The following RAP1A variants were observed in gnomAD, a reference collection of about 807,000 sequenced individuals.
RAP1A encodes the protein ras-related protein Rap-1A.
Under a neutral mutation model 26.4 loss-of-function variants are expected in RAP1A, and 6 were observed. That is an observed-to-expected ratio of 0.23 (90% CI 0.12 to 0.45). The LOEUF (loss-of-function observed/expected upper bound fraction) is 0.45. Ranked by LOEUF, RAP1A falls within the 20% of genes least tolerant of loss-of-function variation. RAP1A has a pLI of 0.99. For synonymous variants in RAP1A, 73 were observed against 79.4 expected, an observed-to-expected ratio of 0.92 and a Z score of 0.43; for missense variants, 121 against 217.2, an observed-to-expected ratio of 0.56 and a Z score of 2.78.
intron 6 of RAP1A, chr1:111,706,622 T>C (rs1157181578): frequency 1.3e-6 from 1 of 757,518 alleles, no homozygotes; most frequent in Non-Finnish European, 1.6e-6. Context: ...AATTTAGGAA[T>C]GGGAGAGGGA....
At chr1:111,543,784 G>A (rs1217857412) in intron 1 of RAP1A, among the ~76,000 whole-genome samples, 3 of 152,076 alleles carry the variant, frequency 2.0e-5, no homozygotes, top group Admixed American at 2.0e-4. Context: ...AACAAAAATA[G>A]CATTACCCCT....
chr1:111,654,544 C>T (rs1242787383), intron 1 of RAP1A, among the ~76,000 whole-genome samples: 4 of 151,956 alleles, frequency 2.6e-5, no homozygotes, highest in Non-Finnish European at 5.9e-5. Context: ...TTCTGTAGGT[C>T]GTATGTTTTC....
intron 1 of RAP1A, among the ~76,000 whole-genome samples, chr1:111,641,299 C>T (rs1393361042): frequency 1.3e-5 from 2 of 152,188 alleles, no homozygotes; most frequent in African/African-American, 4.8e-5. Context: ...CATCTTTCTG[C>T]TTGCTCCTCC....
At chr1:111,689,290 A>G (rs1458809870) in intron 1 of RAP1A, among the ~76,000 whole-genome samples, 1 of 146,476 alleles carries the variant, frequency 6.8e-6, no homozygotes, top group Admixed American at 6.8e-5. Context: ...TTCTTATTAC[A>G]CCCCTAACCC....
intron 1 of RAP1A, among the ~76,000 whole-genome samples, chr1:111,607,602 C>T (rs1344038075): frequency 1.3e-5 from 2 of 149,912 alleles, no homozygotes; most frequent in Admixed American, 6.6e-5. Context: ...GGCAGAGGCG[C>T]CCCTCACCTC....
chr1:111,566,597 T>C (rs1657923703), intron 1 of RAP1A, among the ~76,000 whole-genome samples: 1 of 152,226 alleles, frequency 6.6e-6, no homozygotes, highest in Non-Finnish European at 1.5e-5. Context: ...TGTTTGTCTT[T>C]GATTAGTATA....
chr1:111,654,390 A>G (rs1660385653), intron 1 of RAP1A, among the ~76,000 whole-genome samples: 1 of 152,186 alleles, frequency 6.6e-6, no homozygotes, highest in African/African-American at 2.4e-5. Context: ...GTTAGGTGGT[A>G]TCATTCCCAT....
intron 1 of RAP1A, among the ~76,000 whole-genome samples, chr1:111,620,608 C>T (rs114412490): frequency 2.0e-5 from 3 of 152,208 alleles, no homozygotes; most frequent in African/African-American, 7.2e-5. Context: ...GGGCTGACAT[C>T]TACATCCCAC....
chr1:111,647,021 A>G (rs1388249164), intron 1 of RAP1A, among the ~76,000 whole-genome samples: 1 of 152,152 alleles, frequency 6.6e-6, no homozygotes, highest in African/African-American at 2.4e-5. Flanking sequence ...TTACTGTCTC[A>G]TACCCTTAGA....
intron 1 of RAP1A, among the ~76,000 whole-genome samples, chr1:111,546,472 C>CT (rs1657037758): frequency 6.6e-6 from 1 of 152,108 alleles, no homozygotes; most frequent in Admixed American, 6.5e-5. Context: ...CTTTCTGTCT[C>CT]TGTGAATTGG....
intron 1 of RAP1A, among the ~76,000 whole-genome samples, chr1:111,592,850 C>G (rs1026608533): frequency 6.6e-6 from 1 of 152,156 alleles, no homozygotes; most frequent in African/African-American, 2.4e-5. Context: ...TTCCTCTCTT[C>G]TCTGTTTTGG....
At chr1:111,672,585 T>C (rs915596767) in intron 1 of RAP1A, among the ~76,000 whole-genome samples, 4 of 152,122 alleles carry the variant, frequency 2.6e-5, no homozygotes, top group Non-Finnish European at 5.9e-5. Context: ...CTCTCCAAAG[T>C]GGTGACTGCA....
intron 1 of RAP1A, among the ~76,000 whole-genome samples, chr1:111,626,248 T>G (rs1659393568): frequency 6.6e-6 from 1 of 152,204 alleles, no homozygotes; most frequent in Admixed American, 6.5e-5. Flanking sequence ...TTATGAGTAT[T>G]AGACCAAATC....
chr1:111,580,802 G>A (rs1404351266), intron 1 of RAP1A, among the ~76,000 whole-genome samples: 4 of 151,844 alleles, frequency 2.6e-5, no homozygotes, highest in African/African-American at 7.3e-5. Flanking sequence ...AGCCGAGATC[G>A]TGCCACTGCA....
chr1:111,618,857 A>G (rs189738631), upstream of RAP1A, among the ~76,000 whole-genome samples: 2 of 152,218 alleles, frequency 1.3e-5, no homozygotes, highest in Non-Finnish European at 1.5e-5. Flanking sequence ...CCTTCTTCTC[A>G]TCCTGTCCGT....
At chr1:111,542,266 T>C (rs1656861642) in exon 1 of RAP1A, 2 of 607,862 alleles carry the variant, frequency 3.3e-6, no homozygotes, top group Admixed American at 1.9e-5. Flanking sequence ...TGAGGCCGTA[T>C]TTCAGGATCA....
chr1:111,638,502 C>CAG (rs1322081716), intron 1 of RAP1A, among the ~76,000 whole-genome samples: 1 of 152,090 alleles, frequency 6.6e-6, no homozygotes, highest in Non-Finnish European at 1.5e-5. Context: ...GGTGCTGTGG[C>CAG]AGGGTCACGG....
intron 1 of RAP1A, among the ~76,000 whole-genome samples, chr1:111,646,075 G>A (rs1340451875): frequency 1.3e-5 from 2 of 152,204 alleles, no homozygotes; most frequent in Non-Finnish European, 2.9e-5. Context: ...CATTTTTAAT[G>A]AGTCATATTT....
At chr1:111,701,295 G>A (rs1662014131) in intron 4 of RAP1A, among the ~76,000 whole-genome samples, 1 of 152,018 alleles carries the variant, frequency 6.6e-6, no homozygotes, top group African/African-American at 2.4e-5. Context: ...GCTCTTTCCT[G>A]TGCTTGGGGT....
Sources: allele counts gnomAD v4.1 joint callset (sites outside exome capture counted in the v4.1 genomes callset), GRCh38; gene constraint gnomAD v4.1.1; transcripts MANE v1.5; gene names NCBI Gene and HGNC (gene_info 2026-07-23, HGNC 2026-07-21).